Variants in CDH16 observed in about 807,000 individuals in gnomAD.
CDH16 encodes the protein cadherin 16.
In CDH16, 79 loss-of-function variants were observed where a neutral mutation model predicts 87.6. The observed-to-expected ratio is 0.90, with a 90% CI of 0.75 to 1.09. The LOEUF (loss-of-function observed/expected upper bound fraction) is 1.09. Ranked by LOEUF, CDH16 falls within the 50% of genes least tolerant of loss-of-function variation. The pLI is 0.00. For synonymous variants in CDH16, 457 were observed against 439.5 expected, an observed-to-expected ratio of 1.04 and a Z score of -0.50; for missense variants, 1,124 against 1,071.7, an observed-to-expected ratio of 1.05 and a Z score of -0.68.
chr16:66,908,866 A>AT (rs1489552154), intron 17 of CDH16, among the ~76,000 whole-genome samples: 3 of 152,144 alleles, frequency 2.0e-5, no homozygotes, highest in Admixed American at 6.5e-5. Flanking sequence ...AATAAAGGGG[A>AT]TAGAAGGGGT....
chr16:66,916,346 C>T lies in CDH16; in HGVS notation c.213G>A (p.Met71Ile), dbSNP rs779751125. ...CCAGCAGGAAGCCAGAATCTGGATC[C>T]ATAGCAAATGGGCCCTCAGTTGCCT... ...SGKATEGPFA[M>I]DPDSGFLLVT... The change falls in exon 4 of 18, where the codon ATG becomes ATA. Residue 71 changes from methionine (M) to isoleucine (I), a missense_variant. Physicochemically the swap from Met to Ile is conservative, Grantham distance 10. Coordinates refer to ENST00000299752, the MANE Select transcript of CDH16 (RefSeq NM_004062.4). The surrounding 1 kb of genome is among the most constrained non-coding windows in gnomAD (Gnocchi z 4.1). The T allele has an allele frequency of 3.7e-6, 6 of 1,614,010 alleles. No individual in the cohort carries two copies. In the African/African-American group the frequency reaches 6.7e-5, roughly 18 times the overall value.
At chr16:66,912,187 A>G (rs1230792594) in intron 12 of CDH16, 47 bp from the exon 13 acceptor site, 1 of 1,601,350 alleles carries the variant, frequency 6.2e-7, no homozygotes, top group Admixed American at 1.7e-5. Context: ...GGCAAGGCAC[A>G]TGTGCATGCA....
At position 66,911,267 on chromosome 16, in the gene CDH16, G is replaced by T. The variant is rs1567531455; in HGVS notation, c.1839C>A (p.Phe613Leu). 6.2e-7 allele frequency: 1 copy of T among 1,613,638 alleles called. No homozygotes were observed. Among genetic ancestry groups the T allele is most frequent in the Non-Finnish European group, 8.5e-7 (1 of 1,179,818 alleles). ...DSEGWLCIEK[F>L]SGEVHTAQSL... ...ACTGGGCGGTGTGCACCTCCCCGGA[G>T]AATTTCTCAATGCAGAGCCAGCCCT... The change falls in exon 14 of 18, where the codon TTC becomes TTA. Residue 613 changes from phenylalanine (F) to leucine (L), a missense_variant. Phe to Leu is a conservative substitution (Grantham distance 22). Coordinates refer to ENST00000299752, the MANE Select transcript of CDH16 (RefSeq NM_004062.4).
intron 2 of CDH16, 45 bp from the exon 3 acceptor site, chr16:66,917,770 G>T (rs368224822): frequency 1.3e-6 from 2 of 1,510,572 alleles, no homozygotes; most frequent in South Asian, 1.2e-5. Flanking sequence ...ATCTTCCTGC[G>T]TGGGCACTGA....
chr16:66,910,432 C>T lies in CDH16; in HGVS notation c.1995G>A (p.Leu665=), dbSNP rs959373883. 1.9e-6 allele frequency: 3 copies of T among 1,598,880 alleles called. No individual in the cohort carries two copies. The African/African-American group carries it at 4.0e-5, about 21-fold the overall frequency. Residue 665 remains leucine (L), a synonymous_variant, in exon 15 of 18, where the codon CTG becomes CTA. Transcript: ENST00000299752. ...ATTGGGAGGGCACAGGGGCAAGAGT[C>T]AGGGCTGGGGCAGGAGGGGCCTTTA... ...HFLKAPPAPA[L]TLAPVPSQYL...
chr16:66,918,599 C>T (rs976560516), intron 1 of CDH16, among the ~76,000 whole-genome samples: 25 of 152,338 alleles, frequency 1.6e-4, no homozygotes, highest in East Asian at 7.7e-4. Context: ...GGAGAACCCC[C>T]GGAGCAGGAG....
chr16:66,916,317 G>A lies in CDH16; in HGVS notation c.242C>T (p.Thr81Ile). 1 of 1,614,162 alleles carries A rather than the reference G, an allele frequency of 6.2e-7. No individual in the cohort carries two copies. The highest frequency in any genetic ancestry group is 1.1e-5 in the South Asian group (1 of 91,068). ...MDPDSGFLLV[T>I]RALDREEQAE... is the part of the protein sequence containing the mutation. The stretch of plus-strand genomic sequence containing the variant: ...CTGCTCCTCTCGGTCCAGGGCCCTG[G>A]TCACCAGCAGGAAGCCAGAATCTGG... The change falls in exon 4 of 18, where the codon ACC becomes ATC. Residue 81 changes from threonine to isoleucine, a missense_variant. Thr to Ile is a moderately conservative substitution (Grantham distance 89). Transcript: ENST00000299752. The surrounding 1 kb of genome is among the most constrained non-coding windows in gnomAD (Gnocchi z 4.1).
Position 66,912,331 on chromosome 16 carries a change from C to A in CDH16, c.1459G>T (p.Asp487Tyr). The change falls in exon 12 of 18, where the codon GAT becomes TAT. Residue 487 changes from aspartate to tyrosine, a missense_variant. Transcript: ENST00000299752. ...ADLEPAFRLM[D>Y]FAIERGDTEG... ...GTGTCTCCCCTCTCAATGGCAAAAT[C>A]CATGAGGCGGAAGGCGGGCTCGAGG... is the stretch of plus-strand genomic sequence containing the variant. 2 of 1,614,170 alleles carry A rather than the reference C, an allele frequency of 1.2e-6. No individual in the cohort carries two copies. The highest frequency in any genetic ancestry group is 1.6e-4 in the Middle Eastern group (1 of 6,062).
chr16:66,913,105 C>G, intron 9 of CDH16, 26 bp downstream of exon 9: 2 of 1,588,636 alleles, frequency 1.3e-6, no homozygotes, highest in Non-Finnish European at 1.7e-6. Flanking sequence ...ATAGAGACTT[C>G]GTCCCTCTCC....
At chr16:66,910,169 C>T in intron 15 of CDH16, 76 bp from the exon 16 acceptor site, 1 of 1,558,050 alleles carries the variant, frequency 6.4e-7, no homozygotes, top group Non-Finnish European at 8.7e-7. Flanking sequence ...CTAGGCCTAG[C>T]CCCACCCCCA....
chr16:66,916,345 C>T lies in CDH16; in HGVS notation c.214G>A (p.Asp72Asn). 2 of 1,614,150 alleles carry T rather than the reference C, an allele frequency of 1.2e-6. No homozygotes were observed. Among genetic ancestry groups the T allele is most frequent in the Non-Finnish European group, 1.7e-6 (2 of 1,179,980 alleles). ...ACCAGCAGGAAGCCAGAATCTGGATCCATAGCAAATGGGCCCTCAGTTGCC... is the reference window on the plus strand; with the variant it reads ...ACCAGCAGGAAGCCAGAATCTGGATTCATAGCAAATGGGCCCTCAGTTGCC... Reference protein sequence around the residue: ...GKATEGPFAMDPDSGFLLVTR... With the variant: ...GKATEGPFAMNPDSGFLLVTR... Residue 72 changes from aspartate to asparagine, a missense_variant, in exon 4 of 18, where the codon GAT (aspartate) becomes AAT (asparagine). By Grantham distance (23) the Asp-to-Asn change is conservative. Coordinates refer to ENST00000299752, the MANE Select transcript of CDH16 (RefSeq NM_004062.4). This position sits in a 1 kb window ranked among gnomAD's most constrained non-coding sequence, Gnocchi z 4.1.
Position 66,909,530 on chromosome 16 carries a change from G to T in CDH16, c.2276-147C>A. The T allele has an allele frequency of 1.6e-6, 1 of 642,098 alleles. No homozygotes were observed. The highest frequency in any genetic ancestry group is 2.8e-6 in the Non-Finnish European group (1 of 359,764). 39.8% of individuals were successfully genotyped at this position (642,098 alleles called of 1,614,324 possible). ...GTGTGAAGATATATGCGCTAGCCAGGCGTGGTGGCTCACACCTGTAATCCC... is the reference window on the plus strand; with the variant it reads ...GTGTGAAGATATATGCGCTAGCCAGTCGTGGTGGCTCACACCTGTAATCCC... On this transcript the variant is annotated intron_variant, in intron 16 of 17. Coordinates refer to ENST00000299752, the MANE Select transcript of CDH16 (RefSeq NM_004062.4). This position sits in a 1 kb window ranked among gnomAD's most constrained non-coding sequence, Gnocchi z 4.1.
chr16:66,917,849 G>C (rs551942854), intron 2 of CDH16, 124 bp from the exon 3 acceptor site: 2 of 1,005,762 alleles, frequency 2.0e-6, no homozygotes, highest in African/African-American at 3.2e-5. Flanking sequence ...ATCCACCCGC[G>C]CTCTGGTCTT....
At position 66,908,179 on chromosome 16, in the gene CDH16, C is replaced by A; in HGVS notation, c.*213G>T. On this transcript the variant is annotated 3_prime_UTR_variant, in exon 18 of 18. Coordinates refer to ENST00000299752, the MANE Select transcript of CDH16 (RefSeq NM_004062.4). ...GGGGCTTTATTATTGGGCAAACACC[C>A]TGACATTTGGAGCACTCCCATGGGC... 1 of 578,300 alleles carries A rather than the reference C, an allele frequency of 1.7e-6. No individual in the cohort carries two copies. Among genetic ancestry groups the A allele is most frequent in the Non-Finnish European group, 3.1e-6 (1 of 323,822 alleles). 35.8% of individuals were successfully genotyped at this position (578,300 alleles called of 1,614,324 possible). A position where few individuals can be genotyped will look rare whatever the true frequency, so the allele number is the denominator to read the frequency against.
intron 7 of CDH16, 56 bp downstream of exon 7, chr16:66,914,160 G>A (rs1046569065): frequency 3.6e-5 from 53 of 1,465,388 alleles, no homozygotes; most frequent in South Asian, 2.7e-4. Context: ...CATGAGACTC[G>A]GGCCTGGCTG....
rs1205612005 is a variant in CDH16 at position 66,913,754 on chromosome 16, G to T, written c.781-141C>A. ...CCTCCCTGGGCCTGGAGTCCAGGTGGGATCCTTCTGTTCAGGGCACATGTT... is the reference window on the plus strand; with the variant it reads ...CCTCCCTGGGCCTGGAGTCCAGGTGTGATCCTTCTGTTCAGGGCACATGTT... On this transcript the variant is annotated intron_variant, in intron 7 of 17. Coordinates refer to ENST00000299752, the MANE Select transcript of CDH16 (RefSeq NM_004062.4). The T allele has an allele frequency of 6.6e-5, 73 of 1,111,186 alleles. No individual in the cohort carries two copies. The East Asian group carries it at 1.7e-3, about 25-fold the overall frequency. The allele number at this position is 1,111,186 out of a possible 1,614,324, so 68.8% of individuals were successfully genotyped here.
rs532055028 is a variant in CDH16 at position 66,913,170 on chromosome 16, G to A, written c.1015C>T (p.Arg339Cys). 3.0e-5 allele frequency: 48 copies of A among 1,609,712 alleles called. No individual in the cohort carries two copies. The highest frequency in any genetic ancestry group is 1.7e-4 in the South Asian group (15 of 90,398). The change falls in exon 9 of 18, where the codon CGT (arginine) becomes TGT (cysteine). Residue 339 changes from arginine to cysteine, a missense_variant. Transcript: ENST00000299752. Reference protein sequence around the residue: ...ENDNVPICPPRDPTVSIPELS... With the variant: ...ENDNVPICPPCDPTVSIPELS... ...TCAGGGATGCTGACTGTGGGGTCAC[G>A]GGGAGGGCAGATAGGCACGTTGTCA... is the stretch of plus-strand genomic sequence containing the variant.
chr16:66,916,555 G>T lies in CDH16; in HGVS notation c.130-126C>A. ...CAGAGACATCTGGCTCCTGTCAGAGGTCACACAGCCAGTAAGCATCAGGAC... is the reference window on the plus strand; with the variant it reads ...CAGAGACATCTGGCTCCTGTCAGAGTTCACACAGCCAGTAAGCATCAGGAC... On this transcript the variant is annotated intron_variant, in intron 3 of 17. Transcript: ENST00000299752. The surrounding 1 kb of genome is among the most constrained non-coding windows in gnomAD (Gnocchi z 4.1). 2 of 1,077,414 alleles carry T rather than the reference G, an allele frequency of 1.9e-6. No individual in the cohort carries two copies. Among genetic ancestry groups the T allele is most frequent in the Non-Finnish European group, 1.3e-6 (1 of 773,164 alleles). The allele number at this position is 1,077,414 out of a possible 1,614,324, so 66.7% of individuals were successfully genotyped here. A position where few individuals can be genotyped will look rare whatever the true frequency, so the allele number is the denominator to read the frequency against.
chr16:66,913,697 A>C lies in CDH16; in HGVS notation c.781-84T>G. 1.9e-6 allele frequency: 3 copies of C among 1,549,968 alleles called. No individual in the cohort carries two copies. The East Asian group carries it at 6.8e-5, about 35-fold the overall frequency. On this transcript the variant is annotated intron_variant, in intron 7 of 17. Transcript: ENST00000299752. ...ATCTGATTTCTCGTTGAGGAGCCTGAGCCCAACTGTGTGACCCAGGCAAGG... is the reference window on the plus strand; with the variant it reads ...ATCTGATTTCTCGTTGAGGAGCCTGCGCCCAACTGTGTGACCCAGGCAAGG...
Sources: gnomAD v4.1 joint callset for allele counts (sites outside exome capture counted in the v4.1 genomes callset) on GRCh38, gnomAD v4.1.1 for gene constraint, Gnocchi (gnomAD v3.1) non-coding constraint, MANE v1.5 for transcripts, NCBI Gene and HGNC (gene_info 2026-07-23, HGNC 2026-07-21) for gene names.